Variants in CHST7 observed in about 807,000 individuals in gnomAD.
CHST7 encodes carbohydrate sulfotransferase 7.
A neutral mutation model predicts 9.0 loss-of-function variants in CHST7; 5 were observed. The ratio of observed to expected loss-of-function variants is 0.56; its 90% CI spans 0.29 to 1.17. The LOEUF is 1.17. CHST7 is among the 50% of genes most tolerant of loss of function. CHST7 has a pLI of 0.08. For missense variants in CHST7, 377 were observed against 485.1 expected (o/e 0.78, Z 2.09); for synonymous variants, 244 against 237.1 (o/e 1.03, Z -0.27).
chrX:46,574,348 G>A lies in CHST7; in HGVS notation c.417G>A (p.Gln139=). 1 of 1,210,735 alleles carries A rather than the reference G, an allele frequency of 8.3e-7. No homozygotes were observed. The highest frequency in any genetic ancestry group is 1.1e-6 in the Non-Finnish European group (1 of 895,364). Residue 139 remains glutamine (Q), a synonymous_variant, in exon 1 of 2, where the codon CAG becomes CAA. Transcript: ENST00000276055. The part of the protein sequence containing the change: ...YLYEPMWHLW[Q]ALYPGDAESL... The stretch of plus-strand genomic sequence containing the variant: ...ATGAGCCCATGTGGCATCTATGGCA[G>A]GCGCTGTATCCGGGCGACGCCGAGA...
chrX:46,588,541 G>A (rs941010863), intron 1 of CHST7, among the ~76,000 whole-genome samples: 12 of 111,203 alleles, frequency 1.1e-4, no homozygotes, highest in Non-Finnish European at 1.3e-4. Context: ...TGCAATTCAG[G>A]CTCCATAGAC....
At position 46,598,145 on chromosome X, in the gene CHST7, A is replaced by G. The variant is rs1451962551; in HGVS notation, c.*417A>G. 1 of 112,360 alleles carries G rather than the reference A, an allele frequency of 8.9e-6. No individual in the cohort carries two copies. Among genetic ancestry groups the G allele is most frequent in the Non-Finnish European group, 1.9e-5 (1 of 53,266 alleles). 9.3% of individuals were successfully genotyped at this position (112,360 alleles called of 1,213,427 possible). A position where few individuals can be genotyped will look rare whatever the true frequency, so the allele number is the denominator to read the frequency against. On this transcript the variant is annotated 3_prime_UTR_variant, in exon 2 of 2. Transcript: ENST00000276055. ...ATCAATGTGAATAAGGGCCAAGTGC[A>G]GTCCTGTCTTGATTAAATTACTTAA...
intron 1 of CHST7, among the ~76,000 whole-genome samples, chrX:46,578,269 CTTTTTTTTT>C (rs3071957): frequency 3.7e-4 from 19 of 51,343 alleles, no homozygotes; most frequent in Non-Finnish European, 4.6e-4. Flanking sequence ...CTGCCATGCT[CTTTTTTTTT>C]TTTTTTTTTT....
At chrX:46,578,269 C>CTTTTTTTTTTTTTTTT (rs3071957) in intron 1 of CHST7, among the ~76,000 whole-genome samples, 2 of 51,343 alleles carry the variant, frequency 3.9e-5, no homozygotes, top group African/African-American at 9.7e-5. Context: ...CTGCCATGCT[C>CTTTTTTTTTTTTTTTT]TTTTTTTTTT....
At chrX:46,591,690 A>T (rs59132533) in intron 1 of CHST7, among the ~76,000 whole-genome samples, 4,224 of 111,183 alleles carry the variant, frequency 0.038, 209 homozygotes, top group African/African-American at 0.13. Flanking sequence ...TTCTTTTTTT[A>T]AAAAAAATCT....
chrX:46,585,927 C>T (rs1384378873), intron 1 of CHST7, among the ~76,000 whole-genome samples: 3 of 109,860 alleles, frequency 2.7e-5, no homozygotes, highest in Non-Finnish European at 1.9e-5. Context: ...TTTGTATTTT[C>T]AGTAGAGACA....
rs1450167006 is a variant in CHST7, at chrX:46,574,127, G to C, written c.196G>C (p.Glu66Gln). The change falls in exon 1 of 2, where the codon GAG becomes CAG. Residue 66 changes from glutamate to glutamine, a missense_variant. Glu to Gln is a conservative substitution (Grantham distance 29). Around this residue, in one of 3 missense-constraint regions of CHST7, gnomAD observed 239 missense variants for 325.7 expected, o/e 0.73. Transcript: ENST00000276055. ...SLEAAAAGER[E>Q]QGAEARAAEE... ...GGAGGCGGCGGCGGCCGGCGAACGC[G>C]AGCAGGGAGCGGAGGCGCGGGCCGC... 1.7e-6 allele frequency: 2 copies of C among 1,163,462 alleles called. No homozygotes were observed. The highest frequency in any genetic ancestry group is 1.9e-5 in the South Asian group (1 of 52,358).
At chrX:46,575,467 G>T in intron 1 of CHST7, 44 bp downstream of exon 1, 2 of 980,293 alleles carry the variant, frequency 2.0e-6, no homozygotes, top group East Asian at 8.2e-5. Flanking sequence ...CTGGTCTTCC[G>T]GGAGCCTGGA....
At chrX:46,589,109 A>T (rs1164242905) in intron 1 of CHST7, among the ~76,000 whole-genome samples, 6 of 111,778 alleles carry the variant, frequency 5.4e-5, no homozygotes, top group African/African-American at 1.6e-4. Flanking sequence ...AGCAGCTGAA[A>T]AAAAGGACAA....
chrX:46,575,278 C>T lies in CHST7; in HGVS notation c.1347C>T (p.Ala449=). Residue 449 remains alanine (A), a synonymous_variant, in exon 1 of 2, where the codon GCC becomes GCT. Coordinates refer to ENST00000276055, the MANE Select transcript of CHST7 (RefSeq NM_019886.4). ...SREQVRQVEA[A]CAPAMRLLAY... ...AGCAGGTGCGCCAGGTGGAGGCCGC[C>T]TGCGCTCCAGCCATGCGTCTGCTCG... The T allele has an allele frequency of 9.0e-7, 1 of 1,109,542 alleles. No individual in the cohort carries two copies. The highest frequency in any genetic ancestry group is 1.2e-6 in the Non-Finnish European group (1 of 849,692). 91.4% of individuals were successfully genotyped at this position (1,109,542 alleles called of 1,213,427 possible). A position where few individuals can be genotyped will look rare whatever the true frequency, so the allele number is the denominator to read the frequency against.
intron 1 of CHST7, among the ~76,000 whole-genome samples, chrX:46,579,917 A>G (rs1489106122): frequency 3.6e-5 from 4 of 110,976 alleles, no homozygotes; most frequent in Non-Finnish European, 7.5e-5. Flanking sequence ...GCTTGAGCCC[A>G]AGAAGTCGAG....
In CHST7 at chrX:46,573,816, C is replaced by A. The variant is rs1289642775; in HGVS notation, c.-116C>A. ...CCCTTGTGGATGCGCGGCCCCGCGGCTCTGCTCCTCCCGGCGCAGAGGGGC... is the reference window on the plus strand; with the variant it reads ...CCCTTGTGGATGCGCGGCCCCGCGGATCTGCTCCTCCCGGCGCAGAGGGGC... On this transcript the variant is annotated 5_prime_UTR_variant, in exon 1 of 2. Transcript: ENST00000276055. 4 of 1,052,157 alleles carry A rather than the reference C, an allele frequency of 3.8e-6. No individual in the cohort carries two copies. The highest frequency in any genetic ancestry group is 2.3e-5 in the South Asian group (1 of 43,880). 86.7% of individuals were successfully genotyped at this position (1,052,157 alleles called of 1,213,427 possible).
At chrX:46,595,239 GGTAT>G (rs1942588544) in intron 1 of CHST7, among the ~76,000 whole-genome samples, 1 of 112,487 alleles carries the variant, frequency 8.9e-6, no homozygotes, top group Admixed American at 9.4e-5. Flanking sequence ...TCTCAGTGTT[GGTAT>G]GTATCAGTTG....
At position 46,597,924 on chromosome X, in the gene CHST7, G is replaced by T. The variant is rs755175640; in HGVS notation, c.*196G>T. ...ATATCATGAGCTGTTCAATAATGAC[G>T]GACGCATTGGTTGAGATGAAGTTTC... On this transcript the variant is annotated 3_prime_UTR_variant, in exon 2 of 2. Coordinates refer to ENST00000276055, the MANE Select transcript of CHST7 (RefSeq NM_019886.4). 1 of 112,804 alleles carries T rather than the reference G, an allele frequency of 8.9e-6. No individual in the cohort carries two copies. Among genetic ancestry groups the T allele is most frequent in the African/African-American group, 3.2e-5 (1 of 30,981 alleles). 9.3% of individuals were successfully genotyped at this position (112,804 alleles called of 1,213,427 possible).
chrX:46,592,166 G>T (rs990872644), intron 1 of CHST7, among the ~76,000 whole-genome samples: 2 of 111,770 alleles, frequency 1.8e-5, no homozygotes, highest in East Asian at 5.6e-4. Flanking sequence ...TTGAGGAATT[G>T]GTCCATTTCA....
Position 46,574,387 on chromosome X carries a change from G to A in CHST7, c.456G>A (p.Ala152=), listed in dbSNP as rs376196221. ...YPGDAESLQG[A]LRDMLRSLFR... is the part of the protein sequence containing the mutation. Reference sequence around the variant, plus strand: ...GCGACGCCGAGAGCTTGCAGGGCGCGCTGCGCGACATGCTGCGTTCGCTCT... The same window carrying A: ...GCGACGCCGAGAGCTTGCAGGGCGCACTGCGCGACATGCTGCGTTCGCTCT... The change falls in exon 1 of 2, where the codon GCG becomes GCA. Residue 152 remains alanine, a synonymous_variant. Transcript: ENST00000276055. The A allele has an allele frequency of 8.3e-7, 1 of 1,208,339 alleles. No individual in the cohort carries two copies. Among genetic ancestry groups the A allele is most frequent in the African/African-American group, 1.7e-5 (1 of 57,762 alleles).
chrX:46,582,023 C>T (rs935961425), intron 1 of CHST7, among the ~76,000 whole-genome samples: 6 of 112,131 alleles, frequency 5.4e-5, no homozygotes, highest in African/African-American at 1.9e-4. Context: ...AAAAATATAG[C>T]CTTTTTATAC....
chrX:46,573,950 C>A lies in CHST7; in HGVS notation c.19C>A (p.Arg7=), dbSNP rs1436713891. Residue 7 remains arginine (R), a synonymous_variant, in exon 1 of 2, where the codon CGA becomes AGA. Coordinates refer to ENST00000276055, the MANE Select transcript of CHST7 (RefSeq NM_019886.4). The part of the protein sequence containing the change: MKGRRR[R]RREYCKFALL... ...GTGAACGATGAAGGGCCGGCGGCGGCGACGCCGAGAGTACTGCAAGTTCGC... is the reference window on the plus strand; with the variant it reads ...GTGAACGATGAAGGGCCGGCGGCGGAGACGCCGAGAGTACTGCAAGTTCGC... 4.3e-6 allele frequency: 5 copies of A among 1,154,705 alleles called. No individual in the cohort carries two copies. Among genetic ancestry groups the A allele is most frequent in the Non-Finnish European group, 5.7e-6 (5 of 872,528 alleles).
rs1336421207 is a variant in CHST7, at chrX:46,573,806, G to C, written c.-126G>C. 3 of 1,000,927 alleles carry C rather than the reference G, an allele frequency of 3.0e-6. No individual in the cohort carries two copies. Among genetic ancestry groups the C allele is most frequent in the African/African-American group, 4.0e-5 (2 of 49,789 alleles). The allele number at this position is 1,000,927 out of a possible 1,213,427, so 82.5% of individuals were successfully genotyped here. On this transcript the variant is annotated 5_prime_UTR_variant, in exon 1 of 2. Coordinates refer to ENST00000276055, the MANE Select transcript of CHST7 (RefSeq NM_019886.4). ...TCCAAGTTTCCCCTTGTGGATGCGC[G>C]GCCCCGCGGCTCTGCTCCTCCCGGC... is the stretch of plus-strand genomic sequence containing the variant.
Sources: allele counts gnomAD v4.1 joint callset (sites outside exome capture counted in the v4.1 genomes callset), GRCh38; gene constraint gnomAD v4.1.1; regional missense constraint gnomAD v4.1.1; transcripts MANE v1.5; gene names NCBI Gene and HGNC (gene_info 2026-07-23, HGNC 2026-07-21).